ANKIB1: variants seen among roughly 807,000 people sequenced by gnomAD.
ANKIB1 encodes the protein ankyrin repeat and IBR domain-containing protein 1.
ANKIB1 carries 43 observed loss-of-function variants against 122.1 expected under a neutral mutation model. That is an observed-to-expected ratio of 0.35 (90% CI 0.28 to 0.45). The LOEUF (loss-of-function observed/expected upper bound fraction) is 0.45. Among genes scored for constraint, ANKIB1 ranks in the 20% least tolerant of loss-of-function variants. The pLI is 1.00. For missense variants in ANKIB1, 992 were observed against 1,329.5 expected (o/e 0.75, Z 3.95); for synonymous variants, 390 against 442.0 (o/e 0.88, Z 1.48).
chr7:92,247,578 C>G lies in ANKIB1; in HGVS notation c.-91+1059C>G, dbSNP rs111947127. On this transcript the variant is annotated intron_variant, in intron 1 of 19. Coordinates refer to ENST00000265742, the MANE Select transcript of ANKIB1 (RefSeq NM_019004.2). ...CAAAGTATATTTTCAGATTTTTGAA[C>G]TAGGCGTTTTTTCTCATTAGAATTT... is the stretch of plus-strand genomic sequence containing the variant. Among the ~76,000 whole-genome samples, 5 of 152,286 alleles carry G rather than the reference C, an allele frequency of 3.3e-5. 1 individual carries two copies. Among genetic ancestry groups the G allele is most frequent in the African/African-American group, 1.2e-4 (5 of 41,572 alleles).
rs546786037 is a variant in ANKIB1, at chr7:92,305,343, C to G, written c.189-2016C>G. Among the ~76,000 whole-genome samples, 9 of 152,266 alleles carry G rather than the reference C, an allele frequency of 5.9e-5. No individual in the cohort carries two copies. The East Asian group carries it at 1.7e-3, about 29-fold the overall frequency. On this transcript the variant is annotated intron_variant, in intron 2 of 19. Transcript: ENST00000265742. ...TACTGCACTGCTGGCTCAAGAGATT[C>G]CCCAGTCCCATGTCACTGATCTAGG...
chr7:92,277,030 A>T (rs992354510), intron 1 of ANKIB1, among the ~76,000 whole-genome samples: 2 of 152,014 alleles, frequency 1.3e-5, no homozygotes, highest in African/African-American at 4.8e-5. Flanking sequence ...AGTGTGTAGC[A>T]CCTTCCCCCT....
At chr7:92,333,372 C>T (rs1803217107) in intron 5 of ANKIB1, among the ~76,000 whole-genome samples, 1 of 152,156 alleles carries the variant, frequency 6.6e-6, no homozygotes, top group Non-Finnish European at 1.5e-5. Flanking sequence ...TTTAATTTCA[C>T]AAGGGTGTTA....
intron 11 of ANKIB1, among the ~76,000 whole-genome samples, chr7:92,371,950 G>GGTGTGTGTGTGTGT (rs55936298): frequency 1.4e-4 from 17 of 118,146 alleles, no homozygotes; most frequent in East Asian, 5.5e-4. Flanking sequence ...TTGAGAGAGG[G>GGTGTGTGTGTGTGT]GTGTGTGTGT....
intron 1 of ANKIB1, among the ~76,000 whole-genome samples, chr7:92,259,143 A>G (rs1418094258): frequency 6.6e-6 from 1 of 151,998 alleles, no homozygotes; most frequent in Non-Finnish European, 1.5e-5. Flanking sequence ...TTTGGTGGAG[A>G]TGAGGTTTTG....
intron 1 of ANKIB1, among the ~76,000 whole-genome samples, chr7:92,246,859 C>T (rs1451477843): frequency 1.3e-5 from 2 of 152,194 alleles, no homozygotes; most frequent in African/African-American, 2.4e-5. Context: ...TGGAAAGCCA[C>T]GGGTTCTGCC....
chr7:92,352,627 G>A lies in ANKIB1; in HGVS notation c.1382G>A (p.Gly461Glu), dbSNP rs750539203. 6.2e-7 allele frequency: 1 copy of A among 1,610,140 alleles called. No homozygotes were observed. The highest frequency in any genetic ancestry group is 2.2e-5 in the East Asian group (1 of 44,776). The change falls in exon 9 of 20, where the codon GGA (glycine) becomes GAA (glutamate). Residue 461 changes from glycine to glutamate, a missense_variant. By Grantham distance (98) the Gly-to-Glu change is moderately conservative. Around this residue, in one of 4 missense-constraint regions of ANKIB1, gnomAD observed 521 missense variants for 777.7 expected, o/e 0.67. Coordinates refer to ENST00000265742, the MANE Select transcript of ANKIB1 (RefSeq NM_019004.2). ...LRAPAVDCGK[G>E]HLFCWECLGE... ...GCTCCTGCTGTTGATTGTGGAAAAG[G>A]ACACCTCTTCTGCTGGTTAGTATAA...
rs201959263 is a variant in ANKIB1 at position 92,398,699 on chromosome 7, G to A, written c.3020G>A (p.Gly1007Glu). Residue 1007 changes from glycine (G) to glutamate (E), a missense_variant, in exon 20 of 20, where the codon GGG becomes GAG. Physicochemically the swap from Gly to Glu is moderately conservative, Grantham distance 98 (BLOSUM62 -2). This residue lies in a region of ANKIB1 where 384 missense variants were observed against 412.0 expected (regional missense o/e 0.93). Transcript: ENST00000265742. Reference sequence around the variant, plus strand: ...TCCCAGCTCCCCTGTATCAAAGATGGGTCAGAAGGTGTGAAGGATGTGGAA... The same window carrying A: ...TCCCAGCTCCCCTGTATCAAAGATGAGTCAGAAGGTGTGAAGGATGTGGAA... ...ADSQLPCIKD[G>E]SEGVKDVELV... 62 of 1,613,766 alleles carry A rather than the reference G, an allele frequency of 3.8e-5. No individual in the cohort carries two copies. Among genetic ancestry groups the A allele is most frequent in the African/African-American group, 2.1e-4 (16 of 75,020 alleles).
intron 1 of ANKIB1, among the ~76,000 whole-genome samples, chr7:92,281,196 C>T (rs1802006383): frequency 6.6e-6 from 1 of 152,194 alleles, no homozygotes; most frequent in Non-Finnish European, 1.5e-5. Flanking sequence ...GAAATGTAAT[C>T]TGCCAAAGAA....
chr7:92,313,861 G>C (rs931082510), intron 3 of ANKIB1, among the ~76,000 whole-genome samples: 10 of 152,104 alleles, frequency 6.6e-5, no homozygotes, highest in Non-Finnish European at 1.2e-4. Context: ...CACTGTTCTA[G>C]GTCTCAGACA....
chr7:92,286,267 A>G (rs1327623227), intron 1 of ANKIB1, among the ~76,000 whole-genome samples: 1 of 152,076 alleles, frequency 6.6e-6, no homozygotes, highest in Non-Finnish European at 1.5e-5. Context: ...TCTTCTCACC[A>G]TCAGGGAAAT....
intron 9 of ANKIB1, among the ~76,000 whole-genome samples, chr7:92,358,738 A>G (rs912636551): frequency 6.6e-6 from 1 of 151,756 alleles, no homozygotes; most frequent in African/African-American, 2.4e-5. Flanking sequence ...AAATCTTCAT[A>G]GAAATAATTT....
At chr7:92,370,559 A>G (rs1375216155) in intron 10 of ANKIB1, among the ~76,000 whole-genome samples, 2 of 151,172 alleles carry the variant, frequency 1.3e-5, no homozygotes, top group African/African-American at 2.4e-5. Flanking sequence ...ATGGGGACAA[A>G]CATAGAGTTA....
Position 92,362,254 on chromosome 7 carries a change from C to T in ANKIB1, c.1467C>T (p.Thr489=), listed in dbSNP as rs567437012. ...QTWKNWLQKI[T]EMKPEELVGV... ...GGAAGAATTGGCTGCAAAAAATAAC[C>T]GAAATGAAACCAGAAGAACGTAAGA... The change falls in exon 10 of 20, where the codon ACC becomes ACT. Residue 489 remains threonine, a synonymous_variant. Coordinates refer to ENST00000265742, the MANE Select transcript of ANKIB1 (RefSeq NM_019004.2). 6.2e-5 allele frequency: 98 copies of T among 1,592,186 alleles called. No homozygotes were observed. The highest frequency in any genetic ancestry group is 2.9e-4 in the East Asian group (13 of 44,214).
chr7:92,271,561 C>T (rs377175096), intron 1 of ANKIB1, among the ~76,000 whole-genome samples: 28 of 152,236 alleles, frequency 1.8e-4, no homozygotes, highest in African/African-American at 6.5e-4. Flanking sequence ...ACACCTCTAA[C>T]TATGTTGAGC....
intron 11 of ANKIB1, among the ~76,000 whole-genome samples, chr7:92,377,843 T>A (rs2115662629): frequency 6.6e-6 from 1 of 152,216 alleles, no homozygotes; most frequent in East Asian, 1.9e-4. Context: ...ACACCTTACA[T>A]TAACACTTAA....
At chr7:92,310,697 C>T (rs1256566341) in intron 3 of ANKIB1, among the ~76,000 whole-genome samples, 7 of 152,162 alleles carry the variant, frequency 4.6e-5, no homozygotes, top group African/African-American at 1.7e-4. Context: ...TACACACATC[C>T]TCCTTATACT....
intron 1 of ANKIB1, among the ~76,000 whole-genome samples, chr7:92,285,745 A>T (rs576075691): frequency 4.7e-4 from 72 of 152,354 alleles, no homozygotes; most frequent in African/African-American, 1.6e-3. Context: ...ATCATTTCAG[A>T]AATAGGAAAT....
chr7:92,283,408 T>G (rs1047104548), intron 1 of ANKIB1, among the ~76,000 whole-genome samples: 2 of 152,218 alleles, frequency 1.3e-5, no homozygotes, highest in African/African-American at 4.8e-5. Context: ...CACATTGGAC[T>G]TCAACTTAAT....
Sources: allele counts gnomAD v4.1 joint callset (sites outside exome capture counted in the v4.1 genomes callset), GRCh38; gene constraint gnomAD v4.1.1; regional missense constraint gnomAD v4.1.1; transcripts MANE v1.5; gene names NCBI Gene and HGNC (gene_info 2026-07-23, HGNC 2026-07-21).